Variants in BIN3 observed in about 807,000 individuals in gnomAD.
BIN3 encodes the protein bridging integrator 3.
Under a neutral mutation model 38.2 loss-of-function variants are expected in BIN3, and 41 were observed. The ratio of observed to expected loss-of-function variants is 1.07; its 90% CI spans 0.84 to 1.39. The LOEUF (loss-of-function observed/expected upper bound fraction) is 1.39. BIN3 is among the 40% of genes most tolerant of loss of function. BIN3 has a pLI of 0.00. For missense variants in BIN3, 361 were observed against 324.3 expected (o/e 1.11, Z -0.87); for synonymous variants, 145 against 122.6 (o/e 1.18, Z -1.21).
chr8:22,632,575 A>T (rs1379274349), intron 4 of BIN3, among the ~76,000 whole-genome samples: 1 of 152,260 alleles, frequency 6.6e-6, no homozygotes, highest in East Asian at 1.9e-4. Flanking sequence ...ACAGCATAAT[A>T]AAAAGATAAT....
At chr8:22,645,374 T>C (rs540122677) in intron 1 of BIN3, among the ~76,000 whole-genome samples, 1 of 152,006 alleles carries the variant, frequency 6.6e-6, no homozygotes, top group African/African-American at 2.4e-5. Flanking sequence ...CCCAGTCACT[T>C]GAGAGGCTGA....
Position 22,637,555 on chromosome 8 carries a change from G to A in BIN3, c.58-593C>T, listed in dbSNP as rs576215183. Among the ~76,000 whole-genome samples the A allele has an allele frequency of 5.9e-5, 9 of 152,320 alleles. No homozygotes were observed. The East Asian group carries it at 1.3e-3, about 23-fold the overall frequency. ...GGTCAGGCTCTCTCCATTCCCGACC[G>A]GGTATCAACTCTCTTGAGAGCCAGC... On this transcript the variant is annotated intron_variant, in intron 2 of 8. Coordinates refer to ENST00000276416, the MANE Select transcript of BIN3 (RefSeq NM_018688.6).
At chr8:22,633,322 A>C (rs890864547) in intron 4 of BIN3, among the ~76,000 whole-genome samples, 1 of 152,158 alleles carries the variant, frequency 6.6e-6, no homozygotes, top group Non-Finnish European at 1.5e-5. Flanking sequence ...AAAAATAAAC[A>C]GCAGGTCTCC....
intron 6 of BIN3, among the ~76,000 whole-genome samples, chr8:22,628,162 G>A (rs1002011086): frequency 7.2e-5 from 11 of 152,236 alleles, no homozygotes; most frequent in Non-Finnish European, 1.3e-4. Context: ...CCACGCAGCC[G>A]GGAGCTTCCA....
At chr8:22,623,689 G>A (rs1001623189) in intron 8 of BIN3, among the ~76,000 whole-genome samples, 11 of 152,220 alleles carry the variant, frequency 7.2e-5, no homozygotes, top group African/African-American at 2.7e-4. Flanking sequence ...GGCCATTCCT[G>A]GTATGGGATT....
intron 1 of BIN3, among the ~76,000 whole-genome samples, chr8:22,649,044 T>C (rs1168292571): frequency 6.6e-6 from 1 of 152,216 alleles, no homozygotes; most frequent in East Asian, 1.9e-4. Flanking sequence ...GAACTTACAT[T>C]AGTATTCAAT....
At chr8:22,626,419 G>A (rs904731474) in intron 6 of BIN3, 1 of 152,284 alleles carries the variant, frequency 6.6e-6, no homozygotes, top group Non-Finnish European at 1.5e-5. Context: ...GCAGCTGAGA[G>A]GCACGTGTTC....
At chr8:22,659,407 G>C (rs1803159999) in intron 1 of BIN3, among the ~76,000 whole-genome samples, 1 of 152,212 alleles carries the variant, frequency 6.6e-6, no homozygotes, top group Non-Finnish European at 1.5e-5. Flanking sequence ...TGACTTGGCG[G>C]TTTGTGACTT....
intron 4 of BIN3, among the ~76,000 whole-genome samples, 182 bp downstream of exon 4, chr8:22,636,343 C>A (rs536158911): frequency 5.9e-5 from 9 of 152,208 alleles, no homozygotes; most frequent in Non-Finnish European, 5.9e-5. Flanking sequence ...TGGGGCAGTG[C>A]GAGCTCTGTG....
At chr8:22,625,191 G>A (rs945483132) in intron 6 of BIN3, 30 of 639,606 alleles carry the variant, frequency 4.7e-5, no homozygotes, top group African/African-American at 2.0e-4. Context: ...GGTCCACACC[G>A]GCCTCGTCTT....
intron 1 of BIN3, 73 bp downstream of exon 1, chr8:22,668,971 C>G: frequency 6.5e-7 from 1 of 1,541,282 alleles, no homozygotes; most frequent in Non-Finnish European, 8.8e-7. Context: ...AGCCGGGACG[C>G]GGCACTGACA....
chr8:22,637,066 A>C, intron 2 of BIN3, 104 bp from the exon 3 acceptor site: 1 of 998,752 alleles, frequency 1.0e-6, no homozygotes, highest in Admixed American at 2.0e-5. Context: ...AGTCCGCAGA[A>C]AACAACATGG....
chr8:22,636,400 C>G (rs1802365792), intron 4 of BIN3, 125 bp downstream of exon 4: 2 of 995,976 alleles, frequency 2.0e-6, no homozygotes, highest in Non-Finnish European at 3.0e-6. Context: ...GAGGCTGCTT[C>G]TCAGGACACT....
At chr8:22,643,392 G>A (rs1374625022) in intron 2 of BIN3, among the ~76,000 whole-genome samples, 1 of 152,138 alleles carries the variant, frequency 6.6e-6, no homozygotes, top group Non-Finnish European at 1.5e-5. Context: ...GTGCAGTGGT[G>A]CAATCAGAGC....
intron 1 of BIN3, among the ~76,000 whole-genome samples, chr8:22,650,208 C>T (rs1343813655): frequency 6.6e-6 from 1 of 152,170 alleles, no homozygotes; most frequent in East Asian, 1.9e-4. Context: ...ATTCTGTATA[C>T]TGTGTTCAAG....
At chr8:22,642,285 C>A (rs1802588266) in intron 2 of BIN3, among the ~76,000 whole-genome samples, 1 of 144,160 alleles carries the variant, frequency 6.9e-6, no homozygotes, top group Non-Finnish European at 1.5e-5. Context: ...TCAAGGGCAG[C>A]TGCCAGAGAT....
At chr8:22,639,423 G>C (rs765493319) in intron 2 of BIN3, among the ~76,000 whole-genome samples, 12 of 152,144 alleles carry the variant, frequency 7.9e-5, no homozygotes, top group Middle Eastern at 3.2e-3. Flanking sequence ...GTGGAGACGG[G>C]ATTTTGCTAT....
chr8:22,643,554 C>T lies in BIN3; in HGVS notation c.57+1201G>A, dbSNP rs117917522. 8.4e-4 allele frequency among the ~76,000 whole-genome samples: 128 copies of T among 152,332 alleles called. 3 individuals are homozygous for T. In the East Asian group the frequency reaches 0.023, roughly 28 times the overall value. Reference sequence around the variant, plus strand: ...AAACTTCTTGCTTGAAATGATGCCCCCACGTTGGCCTTCCAAAGTGTTGGA... The same window carrying T: ...AAACTTCTTGCTTGAAATGATGCCCTCACGTTGGCCTTCCAAAGTGTTGGA... On this transcript the variant is annotated intron_variant, in intron 2 of 8. Coordinates refer to ENST00000276416, the MANE Select transcript of BIN3 (RefSeq NM_018688.6).
intron 1 of BIN3, among the ~76,000 whole-genome samples, chr8:22,659,021 G>A (rs1803147701): frequency 6.6e-6 from 1 of 152,240 alleles, no homozygotes; most frequent in African/African-American, 2.4e-5. Context: ...CTGGCCTGAG[G>A]CCCCACAAGG....
Sources: allele counts gnomAD v4.1 joint callset (sites outside exome capture counted in the v4.1 genomes callset), GRCh38; gene constraint gnomAD v4.1.1; transcripts MANE v1.5; gene names NCBI Gene and HGNC (gene_info 2026-07-23, HGNC 2026-07-21).